ZNF609: variants seen among roughly 807,000 people sequenced by gnomAD.
ZNF609 encodes zinc finger protein 609.
ZNF609 carries 11 observed loss-of-function variants against 109.5 expected under a neutral mutation model. The ratio of observed to expected loss-of-function variants is 0.10; its 90% confidence interval spans 0.06 to 0.17. The LOEUF (loss-of-function observed/expected upper bound fraction) is 0.17, where lower values mean the gene tolerates loss of function less well. ZNF609 is among the 10% of genes least tolerant of loss of function. The pLI is 1.00. For synonymous variants in ZNF609, 646 were observed against 662.0 expected (o/e 0.98, Z 0.37); for missense variants, 1,559 against 1,772.4 (o/e 0.88, Z 2.16).
chr15:64,528,286 A>G (rs1012876135), intron 2 of ZNF609, among the ~76,000 whole-genome samples: 5 of 151,690 alleles, frequency 3.3e-5, no homozygotes, highest in Non-Finnish European at 5.9e-5. Flanking sequence ...TTTAGTAGAG[A>G]TGGGGTTTCA....
At chr15:64,542,910 A>T (rs1285751808) in intron 2 of ZNF609, among the ~76,000 whole-genome samples, 2 of 152,130 alleles carry the variant, frequency 1.3e-5, no homozygotes, top group South Asian at 2.1e-4. Flanking sequence ...GATTAAATTC[A>T]TATAACATTG....
chr15:64,547,234 A>G (rs961500409), intron 2 of ZNF609, among the ~76,000 whole-genome samples: 3 of 152,038 alleles, frequency 2.0e-5, no homozygotes, highest in Non-Finnish European at 2.9e-5. Flanking sequence ...CAGTTGTTTT[A>G]TTTTAGATTT....
At chr15:64,671,236 A>G (rs1190919710) in intron 4 of ZNF609, 1 of 150,928 alleles carries the variant, frequency 6.6e-6, no homozygotes, top group South Asian at 2.1e-4. Flanking sequence ...AAAAAAATTA[A>G]TTAAAAAAAA....
chr15:64,492,348 CA>C (rs146549973), intron 1 of ZNF609, among the ~76,000 whole-genome samples: 4,911 of 152,196 alleles, frequency 0.032, 132 homozygotes, highest in African/African-American at 0.069. Context: ...CATTTCCTTT[CA>C]TAGAACTCAA....
chr15:64,485,424 A>T (rs1174195174), intron 1 of ZNF609, among the ~76,000 whole-genome samples: 1 of 152,242 alleles, frequency 6.6e-6, no homozygotes, highest in Non-Finnish European at 1.5e-5. Flanking sequence ...GTAGAAATTT[A>T]AAAATGGAAG....
At chr15:64,530,598 T>A (rs1894046400) in intron 2 of ZNF609, among the ~76,000 whole-genome samples, 1 of 152,236 alleles carries the variant, frequency 6.6e-6, no homozygotes, top group Non-Finnish European at 1.5e-5. Context: ...GCTAGTATTT[T>A]CTGTGTGGTC....
intron 3 of ZNF609, among the ~76,000 whole-genome samples, chr15:64,634,349 T>G (rs1358597411): frequency 6.6e-6 from 1 of 152,124 alleles, no homozygotes; most frequent in African/African-American, 2.4e-5. Context: ...CTGTGGTAGC[T>G]CCGCTGAGAA....
chr15:64,526,018 G>C (rs1349161877), intron 2 of ZNF609, among the ~76,000 whole-genome samples: 1 of 151,700 alleles, frequency 6.6e-6, no homozygotes, highest in East Asian at 1.9e-4. Context: ...TCCAACTCCT[G>C]GCCTCGAGTG....
chr15:64,545,469 G>C (rs975871112), intron 2 of ZNF609, among the ~76,000 whole-genome samples: 1 of 152,146 alleles, frequency 6.6e-6, no homozygotes, highest in Non-Finnish European at 1.5e-5. Flanking sequence ...AAAGTGCTGG[G>C]ATTACGGGCA....
At chr15:64,492,143 T>A (rs1893421983) in intron 1 of ZNF609, among the ~76,000 whole-genome samples, 1 of 151,938 alleles carries the variant, frequency 6.6e-6, no homozygotes, top group Admixed American at 6.6e-5. Context: ...CTTGGGAGGC[T>A]GAGGCAGGAG....
chr15:64,541,195 A>G (rs1437101055), intron 2 of ZNF609, among the ~76,000 whole-genome samples: 1 of 150,864 alleles, frequency 6.6e-6, no homozygotes, highest in East Asian at 2.0e-4. Context: ...TGGGAGGCTG[A>G]GGCCGGCGGA....
At chr15:64,504,611 A>C (rs1200019052) in intron 2 of ZNF609, among the ~76,000 whole-genome samples, 1 of 150,748 alleles carries the variant, frequency 6.6e-6, no homozygotes, top group Non-Finnish European at 1.5e-5. Flanking sequence ...CTGGGATTAC[A>C]AGTGCATACC....
At chr15:64,465,370 ATTTG>A (rs754164313) in intron 1 of ZNF609, among the ~76,000 whole-genome samples, 298 of 124,446 alleles carry the variant, frequency 2.4e-3, no homozygotes, top group African/African-American at 4.8e-3. Context: ...TCGGTTGTTT[ATTTG>A]TTTGTTTGTT....
intron 3 of ZNF609, among the ~76,000 whole-genome samples, chr15:64,666,133 A>C (rs1896645382): frequency 6.6e-6 from 1 of 151,180 alleles, no homozygotes; most frequent in Non-Finnish European, 1.5e-5. Flanking sequence ...CCTAGTGACT[A>C]CTGTAATCTC....
chr15:64,548,769 A>C (rs972573473), intron 2 of ZNF609, among the ~76,000 whole-genome samples: 7 of 152,212 alleles, frequency 4.6e-5, no homozygotes, highest in African/African-American at 1.7e-4. Context: ...CTTTAAAAAA[A>C]AGAAAGAAAG....
At chr15:64,544,633 C>A (rs1894326371) in intron 2 of ZNF609, among the ~76,000 whole-genome samples, 1 of 152,198 alleles carries the variant, frequency 6.6e-6, no homozygotes, top group African/African-American at 2.4e-5. Context: ...GACCTGGTTT[C>A]TCCTACAGCC....
At chr15:64,671,710 C>T (rs1202323439) in intron 4 of ZNF609, among the ~76,000 whole-genome samples, 1 of 152,120 alleles carries the variant, frequency 6.6e-6, no homozygotes, top group Non-Finnish European at 1.5e-5. Flanking sequence ...CAGGTAACAT[C>T]CTAGGAGCTT....
chr15:64,477,753 C>A (rs535848718), intron 1 of ZNF609, among the ~76,000 whole-genome samples: 1 of 152,142 alleles, frequency 6.6e-6, no homozygotes, highest in African/African-American at 2.4e-5. Flanking sequence ...CTCAGCCTCC[C>A]GACTGGCTGG....
intron 2 of ZNF609, among the ~76,000 whole-genome samples, chr15:64,538,941 C>T (rs992918430): frequency 6.6e-6 from 1 of 151,534 alleles, no homozygotes; most frequent in East Asian, 1.9e-4. Flanking sequence ...CTCACGCAAT[C>T]GTCCCGCTTC....
Sources: gnomAD v4.1 joint callset for allele counts (sites outside exome capture counted in the v4.1 genomes callset) on GRCh38, gnomAD v4.1.1 for gene constraint, MANE v1.5 for transcripts, NCBI Gene and HGNC (gene_info 2026-07-23, HGNC 2026-07-21) for gene names.